The following DTNBP1 variants were observed in gnomAD, a reference collection of about 807,000 sequenced individuals.
DTNBP1 encodes the protein dystrobrevin binding protein 1.
In DTNBP1, 35 loss-of-function variants were observed where a neutral mutation model predicts 42.8. That is an observed-to-expected ratio of 0.82 (90% CI 0.63 to 1.09). DTNBP1 has a LOEUF of 1.09. DTNBP1 is among the 50% of genes least tolerant of loss of function. The probability of loss-of-function intolerance (pLI) is 0.00; values close to 1 mark genes in which losing one functional copy is unlikely to be tolerated. For synonymous variants in DTNBP1, 171 were observed against 162.2 expected (o/e 1.05, Z -0.41); for missense variants, 457 against 424.2 (o/e 1.08, Z -0.68).
intron 6 of DTNBP1, among the ~76,000 whole-genome samples, chr6:15,605,067 AGATGTTACTATTTTTGGAGAAATTCT>A (rs1332287708): frequency 6.6e-6 from 1 of 152,232 alleles, no homozygotes. Context: ...CTGTTCTTCA[AGATGTTACTATTTTTGGAGAAATTCT>A]GATGGTATGC....
At chr6:15,599,716 T>G (rs540492313) in intron 6 of DTNBP1, among the ~76,000 whole-genome samples, 19 of 152,280 alleles carry the variant, frequency 1.2e-4, no homozygotes, top group African/African-American at 4.1e-4. Context: ...TTTTCAAAAA[T>G]AAGCCTGCAA....
chr6:15,608,656 A>G (rs995663803), intron 6 of DTNBP1, among the ~76,000 whole-genome samples: 4 of 152,212 alleles, frequency 2.6e-5, no homozygotes, highest in Non-Finnish European at 4.4e-5. Context: ...GCTTCCTGAC[A>G]AAGTGTCCAC....
At chr6:15,612,160 T>C (rs2113690619) in intron 6 of DTNBP1, among the ~76,000 whole-genome samples, 1 of 152,328 alleles carries the variant, frequency 6.6e-6, no homozygotes, top group African/African-American at 2.4e-5. Context: ...AACCACCACC[T>C]GATAAGTCAG....
rs371660380 is a variant in DTNBP1, at chr6:15,615,407, T to G, written c.356-8A>C. The stretch of plus-strand genomic sequence containing the variant: ...AACTCGCCTCTAAATGAGCTGAAAG[T>G]ATATAAAAATAAACAGACCTCAAAA... On this transcript the variant is annotated splice_polypyrimidine_tract_variant and splice_region_variant and intron_variant, in intron 5 of 9. Transcript: ENST00000344537. 2.5e-6 allele frequency: 4 copies of G among 1,613,694 alleles called. No homozygotes were observed. The highest frequency in any genetic ancestry group is 3.4e-6 in the Non-Finnish European group (4 of 1,179,994).
chr6:15,592,962 T>C, intron 7 of DTNBP1, 97 bp downstream of exon 7: 2 of 1,250,106 alleles, frequency 1.6e-6, no homozygotes, highest in Middle Eastern at 4.0e-4. Flanking sequence ...TTATGTAAAC[T>C]GATTTTAAAA....
intron 4 of DTNBP1, among the ~76,000 whole-genome samples, chr6:15,628,592 A>G (rs13198195): frequency 0.2 from 29,751 of 151,522 alleles, 3,288 homozygotes; most frequent in Non-Finnish European, 0.25. Context: ...TTTTTAGTAG[A>G]GACAGGGTTT....
At chr6:15,616,841 T>G (rs1018453098) in intron 5 of DTNBP1, among the ~76,000 whole-genome samples, 1 of 152,178 alleles carries the variant, frequency 6.6e-6, no homozygotes, top group Admixed American at 6.5e-5. Context: ...TGCCTCTGTT[T>G]GCAGATGACA....
intron 9 of DTNBP1, chr6:15,524,095 G>A (rs998900590): frequency 6.8e-6 from 9 of 1,331,858 alleles, no homozygotes; most frequent in Non-Finnish European, 8.8e-6. Flanking sequence ...GCCAAGAGCT[G>A]AACACACACC....
chr6:15,538,001 C>T (rs147991141), intron 7 of DTNBP1, among the ~76,000 whole-genome samples: 9 of 152,274 alleles, frequency 5.9e-5, no homozygotes, highest in African/African-American at 2.2e-4. Flanking sequence ...GCTTTTAGAT[C>T]TTAAATCCTT....
intron 9 of DTNBP1, chr6:15,523,468 C>T: frequency 1.5e-6 from 2 of 1,297,024 alleles, no homozygotes; most frequent in South Asian, 1.5e-5. Flanking sequence ...AGATCAAGTG[C>T]TCCTAAGGCT....
In DTNBP1 at chr6:15,541,424, A is replaced by C. The variant is rs570446703; in HGVS notation, c.512-8029T>G. Among the ~76,000 whole-genome samples, 5 of 152,374 alleles carry C rather than the reference A, an allele frequency of 3.3e-5. No individual in the cohort carries two copies. The East Asian group carries it at 9.6e-4, about 29-fold the overall frequency. ...TCTAAATTACAGAACATTTTCTACA[A>C]GGAAAAATGACCCCTTGCTCACATT... On this transcript the variant is annotated intron_variant, in intron 7 of 9. Coordinates refer to ENST00000344537, the MANE Select transcript of DTNBP1 (RefSeq NM_032122.5).
chr6:15,545,978 C>A, intron 7 of DTNBP1: 1 of 429,382 alleles, frequency 2.3e-6, no homozygotes, highest in South Asian at 1.6e-5. Context: ...CACTCACCTC[C>A]CACCATGCAC....
intron 6 of DTNBP1, among the ~76,000 whole-genome samples, chr6:15,596,698 C>T (rs1186581663): frequency 1.3e-5 from 2 of 152,192 alleles, no homozygotes; most frequent in Non-Finnish European, 2.9e-5. Flanking sequence ...AAATGCCATC[C>T]ATATGCTACT....
chr6:15,564,800 T>C (rs9358063), intron 7 of DTNBP1, among the ~76,000 whole-genome samples: 76,091 of 152,068 alleles, frequency 0.5, 20,108 homozygotes, highest in East Asian at 0.87. Context: ...TCAACATCAT[T>C]AGTTATCACA....
chr6:15,623,552 T>C (rs946486497), intron 5 of DTNBP1, among the ~76,000 whole-genome samples: 1 of 152,070 alleles, frequency 6.6e-6, no homozygotes, highest in South Asian at 2.1e-4. Flanking sequence ...ACTCTGTCTC[T>C]TAAAAAAATT....
chr6:15,523,295 A>G, intron 9 of DTNBP1, 76 bp from the exon 10 acceptor site: 1 of 1,583,938 alleles, frequency 6.3e-7, no homozygotes, highest in Admixed American at 1.7e-5. Flanking sequence ...ACAGCTGTGG[A>G]ATGTGCCCGT....
chr6:15,607,010 A>ATTTTTT (rs3045755), intron 6 of DTNBP1, among the ~76,000 whole-genome samples: 1 of 138,060 alleles, frequency 7.2e-6, no homozygotes, highest in African/African-American at 2.7e-5. Context: ...TCAAAAAAAA[A>ATTTTTT]TTTTTTTTTT....
intron 5 of DTNBP1, among the ~76,000 whole-genome samples, chr6:15,623,463 C>T (rs549405744): frequency 1.3e-5 from 2 of 152,076 alleles, no homozygotes; most frequent in Non-Finnish European, 2.9e-5. Flanking sequence ...GCAGGAAGAT[C>T]GCTTGAGTCC....
chr6:15,652,178 A>T, intron 1 of DTNBP1, 38 bp from the exon 2 acceptor site: 1 of 1,483,052 alleles, frequency 6.7e-7, no homozygotes, highest in Non-Finnish European at 9.2e-7. Flanking sequence ...TTTACAAGTC[A>T]AGAGATTATT....
Sources: allele counts gnomAD v4.1 joint callset (sites outside exome capture counted in the v4.1 genomes callset), GRCh38; gene constraint gnomAD v4.1.1; transcripts MANE v1.5; gene names NCBI Gene and HGNC (gene_info 2026-07-23, HGNC 2026-07-21).